COPG2: variants seen among roughly 807,000 people sequenced by gnomAD.
COPG2 encodes the protein coatomer subunit gamma-2.
Under a neutral mutation model 46.3 loss-of-function variants are expected in COPG2, and 37 were observed. That is an observed-to-expected ratio of 0.80 (90% CI 0.61 to 1.05). The LOEUF (loss-of-function observed/expected upper bound fraction) is 1.05. COPG2 is among the 50% of genes least tolerant of loss of function. The probability of loss-of-function intolerance (pLI) is 0.00; values close to 1 mark genes in which losing one functional copy is unlikely to be tolerated. For missense variants in COPG2, 427 were observed against 387.8 expected (o/e 1.10, Z -0.85); for synonymous variants, 159 against 129.7 (o/e 1.23, Z -1.53).
In COPG2 at chr7:130,548,438, T is replaced by G; in HGVS notation, c.1942A>C (p.Ile648Leu). 2.5e-6 allele frequency: 1 copy of G among 398,636 alleles called. No individual in the cohort carries two copies. The highest frequency in any genetic ancestry group is 4.4e-6 in the Non-Finnish European group (1 of 226,072). 24.7% of individuals were successfully genotyped at this position (398,636 alleles called of 1,614,324 possible). The change falls in exon 19 of 24, where the codon ATC becomes CTC. Residue 648 changes from isoleucine to leucine, a missense_variant. Ile to Leu is a conservative substitution (Grantham distance 5). Coordinates refer to ENST00000425248, the MANE Select transcript of COPG2 (RefSeq NM_012133.6). ...EAETEYFVRC[I>L]KHMFTNHIVF... is the part of the protein sequence containing the mutation. ...ATGTGATTGGTAAACATGTGCTTGA[T>G]ACATCGAACAAAATATTCTGTCTCT...
intron 9 of COPG2, 77 bp downstream of exon 9, chr7:130,610,876 T>C (rs1417542002): frequency 6.7e-7 from 1 of 1,490,586 alleles, no homozygotes; most frequent in East Asian, 2.3e-5. Context: ...CCAAAAAAAA[T>C]TCAAAAAGGA....
At chr7:130,561,429 T>G (rs1793717796) in intron 11 of COPG2, among the ~76,000 whole-genome samples, 2 of 152,230 alleles carry the variant, frequency 1.3e-5, no homozygotes, top group African/African-American at 4.8e-5. Flanking sequence ...TCTCTTTTGT[T>G]AGGTTCCTCT....
At chr7:130,596,946 T>C (rs1179930870) in intron 9 of COPG2, among the ~76,000 whole-genome samples, 6 of 152,146 alleles carry the variant, frequency 3.9e-5, no homozygotes, top group African/African-American at 1.4e-4. Context: ...TGCAATACCA[T>C]CTTGGAATTA....
rs1033869572 is a variant in COPG2 at position 130,535,324 on chromosome 7, A to G, written c.2149+12350T>C. Among the ~76,000 whole-genome samples the G allele has an allele frequency of 2.3e-3, 347 of 152,206 alleles. 2 individuals carry two copies. Among genetic ancestry groups the G allele is most frequent in the Admixed American group, 5.1e-3 (78 of 15,288 alleles). On this transcript the variant is annotated intron_variant, in intron 20 of 23. Coordinates refer to ENST00000425248, the MANE Select transcript of COPG2 (RefSeq NM_012133.6). ...GCGCCGACAGGGGAGTCACCTACAG[A>G]AGACAGACAGGGTGGAGGGGCCTCC...
intron 20 of COPG2, among the ~76,000 whole-genome samples, chr7:130,519,941 TTTC>T (rs1363971978): frequency 6.6e-6 from 1 of 152,222 alleles, no homozygotes; most frequent in East Asian, 1.9e-4. Flanking sequence ...GGGAAATTTA[TTTC>T]TTAAGTGACT....
At chr7:130,557,729 C>T (rs936950603) in intron 12 of COPG2, among the ~76,000 whole-genome samples, 15 of 142,020 alleles carry the variant, frequency 1.1e-4, no homozygotes, top group East Asian at 4.4e-4. Flanking sequence ...GCAGGAGAAT[C>T]GCTTGAACCT....
Position 130,559,460 on chromosome 7 carries a change from T to A in COPG2, c.1128+1573A>T, listed in dbSNP as rs1161750405. The stretch of plus-strand genomic sequence containing the variant: ...TAGTACCCACAAACACTGGAGCCAG[T>A]GTAAGCTGGGCCTAAAAATAGGCAC... On this transcript the variant is annotated intron_variant, in intron 12 of 23. Transcript: ENST00000425248. 8.5e-5 allele frequency among the ~76,000 whole-genome samples: 13 copies of A among 152,304 alleles called. No individual in the cohort carries two copies. The South Asian group carries it at 2.1e-3, about 24-fold the overall frequency.
intron 1 of COPG2, 136 bp downstream of exon 1, chr7:130,668,496 G>A (rs1796146904): frequency 1.5e-6 from 1 of 653,800 alleles, no homozygotes; most frequent in Non-Finnish European, 2.2e-6. Context: ...GGGGAGGGGA[G>A]GGGCCGGCTC....
intron 5 of COPG2, among the ~76,000 whole-genome samples, chr7:130,626,317 CAG>C (rs1282870756): frequency 1.3e-5 from 2 of 151,974 alleles, no homozygotes; most frequent in African/African-American, 2.4e-5. Flanking sequence ...CCTCCCTGAC[CAG>C]AGACATGCCA....
rs977307900 is a variant in COPG2 at position 130,531,634 on chromosome 7, G to C, written c.2149+16040C>G. On this transcript the variant is annotated intron_variant, in intron 20 of 23. Coordinates refer to ENST00000425248, the MANE Select transcript of COPG2 (RefSeq NM_012133.6). ...ATGTTGTATTTCAGAGAGAAAATAAGGAAGGGAATGCGGTAGTTCCACGTG... is the reference window on the plus strand; with the variant it reads ...ATGTTGTATTTCAGAGAGAAAATAACGAAGGGAATGCGGTAGTTCCACGTG... 9.7e-3 allele frequency among the ~76,000 whole-genome samples: 1,475 copies of C among 152,260 alleles called. 30 individuals carry two copies. Among genetic ancestry groups the C allele is most frequent in the African/African-American group, 0.033 (1,372 of 41,540 alleles).
chr7:130,548,677 C>T (rs1043444788), intron 18 of COPG2, 135 bp from the exon 19 acceptor site: 33 of 377,964 alleles, frequency 8.7e-5, no homozygotes, highest in East Asian at 4.9e-4. Flanking sequence ...CCGAGGCAGG[C>T]GGATCACGAG....
chr7:130,657,285 T>C (rs537175908), intron 4 of COPG2, among the ~76,000 whole-genome samples: 12 of 151,936 alleles, frequency 7.9e-5, no homozygotes, highest in Non-Finnish European at 1.8e-4. Flanking sequence ...GAACCATGTG[T>C]TGAGAAAATG....
intron 20 of COPG2, among the ~76,000 whole-genome samples, chr7:130,538,164 G>A (rs1050752103): frequency 1.3e-5 from 2 of 152,108 alleles, no homozygotes; most frequent in African/African-American, 2.4e-5. Context: ...GACAGGGCAC[G>A]CAGGACTGGA....
chr7:130,610,525 C>T (rs949979016), intron 9 of COPG2: 4 of 519,656 alleles, frequency 7.7e-6, no homozygotes, highest in Admixed American at 1.9e-5. Flanking sequence ...CCCTAGCCTT[C>T]GAAAGACTGC....
Position 130,646,956 on chromosome 7 carries a change from T to C in COPG2, c.323+5913A>G, listed in dbSNP as rs1554458326. Among the ~76,000 whole-genome samples the C allele has an allele frequency of 2.7e-3, 334 of 124,214 alleles. 4 individuals are homozygous for C. The highest frequency in any genetic ancestry group is 8.7e-3 in the East Asian group (42 of 4,818). The allele number at this position is 124,214 out of a possible 152,430, so 81.5% of individuals were successfully genotyped here. ...ATATATATATACGTATATATATATA[T>C]GCATATATATATGTGTATATATATA... On this transcript the variant is annotated intron_variant, in intron 5 of 23. Coordinates refer to ENST00000425248, the MANE Select transcript of COPG2 (RefSeq NM_012133.6).
At chr7:130,646,997 G>GCATATATA (rs1563070224) in intron 5 of COPG2, among the ~76,000 whole-genome samples, 4 of 40,982 alleles carry the variant, frequency 9.8e-5, no homozygotes, top group Non-Finnish European at 3.2e-4. Context: ...ATATATATAT[G>GCATATATA]TGTATATATA....
At chr7:130,594,613 T>C (rs1255581741) in intron 9 of COPG2, among the ~76,000 whole-genome samples, 2 of 152,218 alleles carry the variant, frequency 1.3e-5, no homozygotes, top group Non-Finnish European at 2.9e-5. Context: ...ATTATGTATC[T>C]GATAAGGGTT....
At chr7:130,541,590 C>G (rs1002776126) in intron 20 of COPG2, among the ~76,000 whole-genome samples, 6 of 151,974 alleles carry the variant, frequency 3.9e-5, no homozygotes, top group Non-Finnish European at 8.8e-5. Flanking sequence ...GTGATAGGAA[C>G]AAGGTAGGAG....
At chr7:130,572,720 T>C (rs1426310332) in intron 9 of COPG2, among the ~76,000 whole-genome samples, 1 of 151,830 alleles carries the variant, frequency 6.6e-6, no homozygotes, top group Non-Finnish European at 1.5e-5. Flanking sequence ...AAAGCAATGC[T>C]TGGAGAAAAA....
Sources: gnomAD v4.1 joint callset for allele counts (sites outside exome capture counted in the v4.1 genomes callset) on GRCh38, gnomAD v4.1.1 for gene constraint, MANE v1.5 for transcripts, NCBI Gene and HGNC (gene_info 2026-07-23, HGNC 2026-07-21) for gene names.